The following CCDC6 variants were observed in gnomAD, a reference collection of about 807,000 sequenced individuals.
The protein encoded by CCDC6 is coiled-coil domain-containing protein 6.
In CCDC6, 20 loss-of-function variants were observed where a neutral mutation model predicts 56.6. The observed-to-expected ratio is 0.35, with a 90% CI of 0.25 to 0.51. CCDC6 has a LOEUF of 0.51. Ranked by LOEUF, CCDC6 falls within the 20% of genes least tolerant of loss-of-function variation. The pLI is 0.95. For synonymous variants in CCDC6, 241 were observed against 234.4 expected, an observed-to-expected ratio of 1.03 and a Z score of -0.26; for missense variants, 367 against 601.1, an observed-to-expected ratio of 0.61 and a Z score of 4.07.
intron 1 of CCDC6, among the ~76,000 whole-genome samples, chr10:59,893,209 A>ATT (rs1349139123): frequency 6.6e-5 from 10 of 152,158 alleles, no homozygotes; most frequent in Non-Finnish European, 1.2e-4. Context: ...GGGGGGAGGG[A>ATT]TACTGACTGG....
chr10:59,865,827 G>T (rs1210684413), intron 1 of CCDC6, among the ~76,000 whole-genome samples: 1 of 133,458 alleles, frequency 7.5e-6, no homozygotes, highest in Non-Finnish European at 1.5e-5. Context: ...CTCCAGCCTG[G>T]TGACAGAGAG....
At chr10:59,827,164 A>T (rs2070794926) in intron 3 of CCDC6, among the ~76,000 whole-genome samples, 1 of 152,220 alleles carries the variant, frequency 6.6e-6, no homozygotes, top group Non-Finnish European at 1.5e-5. Flanking sequence ...ATCCATGAAG[A>T]TCTGGAGGCA....
At chr10:59,800,803 A>G (rs1261475785) in intron 7 of CCDC6, among the ~76,000 whole-genome samples, 1 of 152,138 alleles carries the variant, frequency 6.6e-6, no homozygotes, top group Non-Finnish European at 1.5e-5. Flanking sequence ...TTGCCAAACC[A>G]CAAACACCAG....
chr10:59,816,254 G>A (rs2070708995), intron 3 of CCDC6, among the ~76,000 whole-genome samples: 1 of 152,136 alleles, frequency 6.6e-6, no homozygotes, highest in African/African-American at 2.4e-5. Context: ...ATATCATTAT[G>A]TTCTAAGTTT....
At chr10:59,807,283 G>A (rs1434507752) in intron 5 of CCDC6, among the ~76,000 whole-genome samples, 3 of 152,120 alleles carry the variant, frequency 2.0e-5, no homozygotes, top group East Asian at 1.9e-4. Context: ...TCAGGAGTTC[G>A]AGACCAGCCT....
At chr10:59,857,341 T>C (rs1215831342) in intron 1 of CCDC6, among the ~76,000 whole-genome samples, 1 of 152,252 alleles carries the variant, frequency 6.6e-6, no homozygotes, top group Non-Finnish European at 1.5e-5. Flanking sequence ...CAGTTTGTTC[T>C]GACCCACTGC....
At position 59,887,948 on chromosome 10, in the gene CCDC6, C is replaced by T. The variant is rs146077698; in HGVS notation, c.303+18174G>A. On this transcript the variant is annotated intron_variant, in intron 1 of 8. Coordinates refer to ENST00000263102, the MANE Select transcript of CCDC6 (RefSeq NM_005436.5). ...CCTGGCCAATAATTTAACAGCATTT[C>T]ACCTGAGCCCCAGATCCTTTATTTT... 3.9e-5 allele frequency among the ~76,000 whole-genome samples: 6 copies of T among 152,266 alleles called. No homozygotes were observed. In the East Asian group the frequency reaches 1.2e-3, roughly 29 times the overall value.
chr10:59,891,943 G>T (rs1180657), intron 1 of CCDC6, among the ~76,000 whole-genome samples: 93,031 of 152,020 alleles, frequency 0.61, 29,026 homozygotes, highest in East Asian at 0.86. Flanking sequence ...AGGCAACAAA[G>T]AAAAGAGGTC....
chr10:59,801,860 T>A (rs1037899245), intron 7 of CCDC6, among the ~76,000 whole-genome samples: 9 of 152,178 alleles, frequency 5.9e-5, no homozygotes, highest in African/African-American at 2.2e-4. Flanking sequence ...CCTCATCACT[T>A]TGTTTTCTGG....
chr10:59,808,049 G>A (rs1338298258), intron 5 of CCDC6, among the ~76,000 whole-genome samples: 1 of 152,158 alleles, frequency 6.6e-6, no homozygotes, highest in Non-Finnish European at 1.5e-5. Flanking sequence ...ACACGTAGCG[G>A]CAGAGGGCAG....
intron 2 of CCDC6, among the ~76,000 whole-genome samples, chr10:59,851,409 T>TA (rs576722628): frequency 4.5e-4 from 68 of 152,292 alleles, no homozygotes; most frequent in Non-Finnish European, 7.1e-4. Context: ...AATGCCTGGG[T>TA]ACCTATTCTT....
chr10:59,862,516 T>TACACACAC (rs60162547), intron 1 of CCDC6, among the ~76,000 whole-genome samples: 44 of 97,182 alleles, frequency 4.5e-4, no homozygotes, highest in East Asian at 2.6e-3. Context: ...TATATATATA[T>TACACACAC]ACACACACAC....
intron 1 of CCDC6, among the ~76,000 whole-genome samples, chr10:59,894,357 C>T (rs144401939): frequency 6.6e-6 from 1 of 152,282 alleles, no homozygotes; most frequent in East Asian, 1.9e-4. Flanking sequence ...AGTGCCTTGT[C>T]CAATCATTAC....
Position 59,791,285 on chromosome 10 carries a change from G to A in CCDC6, c.*1632C>T, listed in dbSNP as rs1218028979. 1 of 201,264 alleles carries A rather than the reference G, an allele frequency of 5.0e-6. No individual in the cohort carries two copies. The highest frequency in any genetic ancestry group is 1.0e-5 in the Non-Finnish European group (1 of 97,876). The allele number at this position is 201,264 out of a possible 1,614,324, so 12.5% of individuals were successfully genotyped here. A position where few individuals can be genotyped will look rare whatever the true frequency, so the allele number is the denominator to read the frequency against. ...CTCAGTTTGGGGGTGGAAGCAGGAA[G>A]AGGTGAAAAAATCTTATTGTTGCTT... On this transcript the variant is annotated 3_prime_UTR_variant, in exon 9 of 9. Transcript: ENST00000263102.
chr10:59,862,494 A>C, intron 1 of CCDC6, among the ~76,000 whole-genome samples: 1 of 123,008 alleles, frequency 8.1e-6, no homozygotes, highest in Non-Finnish European at 1.6e-5. Context: ...TCTCAAGAAA[A>C]AAAAAAGTAT....
At chr10:59,806,816 AT>A in intron 6 of CCDC6, 105 bp downstream of exon 6, 1 of 964,742 alleles carries the variant, frequency 1.0e-6, no homozygotes, top group East Asian at 2.4e-5. Flanking sequence ...ATAAATACAT[AT>A]TTAAGCCATC....
intron 2 of CCDC6, among the ~76,000 whole-genome samples, chr10:59,850,430 T>C (rs2071027918): frequency 1.3e-5 from 2 of 152,120 alleles, no homozygotes; most frequent in Non-Finnish European, 2.9e-5. Context: ...ATGCTAACCA[T>C]CCATCTGTCC....
intron 3 of CCDC6, among the ~76,000 whole-genome samples, chr10:59,822,923 A>C: frequency 6.6e-6 from 1 of 151,072 alleles, no homozygotes. Flanking sequence ...CCCCAGACTC[A>C]GCCGGTAGAC....
At chr10:59,808,497 G>A (rs1046871483) in intron 5 of CCDC6, among the ~76,000 whole-genome samples, 1 of 152,152 alleles carries the variant, frequency 6.6e-6, no homozygotes, top group African/African-American at 2.4e-5. Context: ...AATACAAAAT[G>A]TGGTGTCTAC....
Sources: allele counts gnomAD v4.1 joint callset (sites outside exome capture counted in the v4.1 genomes callset), GRCh38; gene constraint gnomAD v4.1.1; transcripts MANE v1.5; gene names NCBI Gene and HGNC (gene_info 2026-07-23, HGNC 2026-07-21).